SYT2: variants seen among roughly 807,000 people sequenced by gnomAD.
SYT2 encodes the protein synaptotagmin-2.
A neutral mutation model predicts 39.9 loss-of-function variants in SYT2; 15 were observed. The observed-to-expected ratio is 0.38, with a 90% CI of 0.25 to 0.58. SYT2 has a LOEUF of 0.58. Ranked by LOEUF, SYT2 falls within the 20% of genes least tolerant of loss-of-function variation. SYT2 has a pLI of 0.70. For synonymous variants in SYT2, 181 were observed against 204.5 expected, an observed-to-expected ratio of 0.89 and a Z score of 0.98; for missense variants, 389 against 530.3, an observed-to-expected ratio of 0.73 and a Z score of 2.62.
intron 1 of SYT2, among the ~76,000 whole-genome samples, chr1:202,680,263 T>C (rs772023158): frequency 1.3e-5 from 2 of 152,230 alleles, no homozygotes; most frequent in African/African-American, 2.4e-5. Context: ...TAATTGGTGC[T>C]GAAATGGGGA....
chr1:202,603,545 G>A (rs1327127775), intron 3 of SYT2, among the ~76,000 whole-genome samples: 1 of 152,184 alleles, frequency 6.6e-6, no homozygotes, highest in African/African-American at 2.4e-5. Context: ...CAGGCAGACA[G>A]GAGCAGAGTG....
rs1691310949 is a variant in SYT2 at position 202,624,694 on chromosome 1, CGTGTAGTAGGGTGTGTGTGTGGT to C, written c.-17-18928_-17-18906del. Reference sequence around the variant, plus strand: ...GTGTGGTGTTTAGTAGTGTGTGTTGCGTGTAGTAGGGTGTGTGTGTGGTATGTAGTAGGGTGTGTGTGGCATGT... The same window carrying C: ...GTGTGGTGTTTAGTAGTGTGTGTTGCATGTAGTAGGGTGTGTGTGGCATGT... On this transcript the variant is annotated intron_variant, in intron 1 of 8. Transcript: ENST00000367268. Among the ~76,000 whole-genome samples the C allele has an allele frequency of 8.7e-4, 7 of 8,084 alleles. No individual in the cohort carries two copies. The South Asian group carries it at 0.02, about 23-fold the overall frequency. 5.3% of individuals were successfully genotyped at this position (8,084 alleles called of 152,430 possible).
At chr1:202,655,605 C>T (rs1692264528) in intron 1 of SYT2, among the ~76,000 whole-genome samples, 1 of 152,152 alleles carries the variant, frequency 6.6e-6, no homozygotes, top group Non-Finnish European at 1.5e-5. Context: ...CAGAACAGGA[C>T]ACTGGGGCTC....
chr1:202,657,301 C>G (rs1209890626), intron 1 of SYT2, among the ~76,000 whole-genome samples: 1 of 152,236 alleles, frequency 6.6e-6, no homozygotes, highest in Non-Finnish European at 1.5e-5. Flanking sequence ...AGAAGAGTCT[C>G]AAGGGCACCC....
intron 1 of SYT2, among the ~76,000 whole-genome samples, chr1:202,629,160 T>C (rs1320399895): frequency 6.6e-6 from 1 of 152,222 alleles, no homozygotes; most frequent in Non-Finnish European, 1.5e-5. Flanking sequence ...TTTTAAATTA[T>C]TATTTTCTGA....
intron 1 of SYT2, among the ~76,000 whole-genome samples, chr1:202,610,263 A>G (rs1319271131): frequency 6.6e-6 from 1 of 152,224 alleles, no homozygotes; most frequent in Admixed American, 6.5e-5. Context: ...TTTTGGTACC[A>G]GTACCATGCT....
intron 3 of SYT2, 170 bp downstream of exon 3, chr1:202,604,284 AG>A (rs964688251): frequency 1.1e-5 from 7 of 665,292 alleles, no homozygotes; most frequent in Non-Finnish European, 1.8e-5. Context: ...CCCCCCTCCC[AG>A]GGGCCTCCAG....
At position 202,623,423 on chromosome 1, in the gene SYT2, T is replaced by C. The variant is rs1227791291; in HGVS notation, c.-17-17634A>G. On this transcript the variant is annotated intron_variant, in intron 1 of 8. Coordinates refer to ENST00000367268, the MANE Select transcript of SYT2 (RefSeq NM_177402.5). This position sits in a 1 kb window ranked among gnomAD's most constrained non-coding sequence, Gnocchi z 4.2. ...CCTTCCCACCTCCTTCTCCAGAGAC[T>C]CAGAATCTTGGGCCTCCAGGGTTCC... is the stretch of plus-strand genomic sequence containing the variant. Among the ~76,000 whole-genome samples the C allele has an allele frequency of 6.6e-6, 1 of 152,090 alleles. No individual in the cohort carries two copies. The highest frequency in any genetic ancestry group is 1.5e-5 in the Non-Finnish European group (1 of 68,010).
intron 1 of SYT2, among the ~76,000 whole-genome samples, chr1:202,708,616 C>A (rs1046508739): frequency 2.6e-5 from 4 of 152,006 alleles, no homozygotes; most frequent in African/African-American, 9.7e-5. Flanking sequence ...GAGTTGGACT[C>A]CCTAGGCTGC....
Position 202,604,607 on chromosome 1 carries a change from G to A in SYT2, c.193C>T (p.Leu65=). The A allele has an allele frequency of 6.2e-7, 1 of 1,614,118 alleles. No homozygotes were observed. The highest frequency in any genetic ancestry group is 8.5e-7 in the Non-Finnish European group (1 of 1,180,010). ...INKIPLPPWA[L]IAIAVVAGLL... ...CCAGCAACCACAGCAATGGCGATCA[G>A]TGCCCAGGGTGGTACTGCCCACACA... Residue 65 remains leucine, a synonymous_variant, in exon 3 of 9, where the codon CTG becomes TTG. Coordinates refer to ENST00000367268, the MANE Select transcript of SYT2 (RefSeq NM_177402.5).
At chr1:202,622,985 C>T (rs1219180388) in intron 1 of SYT2, among the ~76,000 whole-genome samples, 1 of 152,222 alleles carries the variant, frequency 6.6e-6, no homozygotes, top group Non-Finnish European at 1.5e-5. Flanking sequence ...GGTGGCAGCC[C>T]TGCCTGAGTT....
intron 1 of SYT2, among the ~76,000 whole-genome samples, chr1:202,637,031 G>A (rs189489695): frequency 6.6e-6 from 1 of 152,256 alleles, no homozygotes; most frequent in Admixed American, 6.5e-5. Flanking sequence ...CTAAAACATG[G>A]ACTAGGGGCT....
chr1:202,707,089 G>A (rs1654271900), intron 1 of SYT2, among the ~76,000 whole-genome samples: 1 of 152,190 alleles, frequency 6.6e-6, no homozygotes, highest in Non-Finnish European at 1.5e-5. Flanking sequence ...AAACAGGTCT[G>A]TTTTGTTCCC....
intron 1 of SYT2, among the ~76,000 whole-genome samples, chr1:202,660,222 G>A (rs914471668): frequency 6.6e-6 from 1 of 152,176 alleles, no homozygotes; most frequent in African/African-American, 2.4e-5. Flanking sequence ...AGTACAGTGT[G>A]ATATATACAA....
intron 1 of SYT2, among the ~76,000 whole-genome samples, chr1:202,668,134 C>T (rs952949190): frequency 3.3e-5 from 5 of 152,202 alleles, no homozygotes; most frequent in Non-Finnish European, 5.9e-5. Flanking sequence ...GATCTATAGC[C>T]CCCCAGAGTA....
chr1:202,661,731 G>A (rs368926198), intron 1 of SYT2, among the ~76,000 whole-genome samples: 77 of 152,312 alleles, frequency 5.1e-4, no homozygotes, highest in African/African-American at 1.8e-3. Context: ...CACCCCTGCG[G>A]GAGTGTTTCT....
At chr1:202,619,449 C>T (rs1230360648) in intron 1 of SYT2, among the ~76,000 whole-genome samples, 2 of 152,166 alleles carry the variant, frequency 1.3e-5, no homozygotes, top group South Asian at 2.1e-4. Context: ...CTGGGAGGCC[C>T]CAACAAGGGA....
intron 1 of SYT2, among the ~76,000 whole-genome samples, chr1:202,645,165 A>G (rs950598277): frequency 1.3e-5 from 2 of 152,144 alleles, no homozygotes; most frequent in African/African-American, 4.8e-5. Flanking sequence ...GACCTGGGGT[A>G]AAGGGCTCAA....
At position 202,603,105 on chromosome 1, in the gene SYT2, G is replaced by C; in HGVS notation, c.359C>G (p.Ala120Gly). 6.2e-7 allele frequency: 1 copy of C among 1,614,066 alleles called. No individual in the cohort carries two copies. The highest frequency in any genetic ancestry group is 1.3e-5 in the African/African-American group (1 of 75,024). The change falls in exon 4 of 9, where the codon GCA becomes GGA. Residue 120 changes from alanine to glycine, a missense_variant. Around this residue, in one of 4 missense-constraint regions of SYT2, gnomAD observed 280 missense variants for 335.6 expected, o/e 0.83. Transcript: ENST00000367268. ...DMKGGQDDDD[A>G]ETGLTEGEGE... ...TTCCCCCTCAGTCAGGCCTGTCTCT[G>C]CGTCGTCGTCATCCTGTGGGAGCTG... is the stretch of plus-strand genomic sequence containing the variant.
Sources: allele counts gnomAD v4.1 joint callset (sites outside exome capture counted in the v4.1 genomes callset), GRCh38; gene constraint gnomAD v4.1.1; regional missense constraint gnomAD v4.1.1; non-coding constraint Gnocchi (gnomAD v3.1); transcripts MANE v1.5; gene names NCBI Gene and HGNC (gene_info 2026-07-23, HGNC 2026-07-21).